Variants in GALNT13 observed in about 807,000 individuals in gnomAD.
The protein encoded by GALNT13 is polypeptide N-acetylgalactosaminyltransferase 13.
In GALNT13, 28 loss-of-function variants were observed where a neutral mutation model predicts 64.2. The observed-to-expected ratio is 0.44, with a 90% CI of 0.32 to 0.60. The LOEUF (loss-of-function observed/expected upper bound fraction) is 0.60, where lower values mean the gene tolerates loss of function less well. Among genes scored for constraint, GALNT13 ranks in the 20% least tolerant of loss-of-function variants. The pLI is 0.05. For synonymous variants in GALNT13, 214 were observed against 224.6 expected, an observed-to-expected ratio of 0.95 and a Z score of 0.42; for missense variants, 577 against 669.8, an observed-to-expected ratio of 0.86 and a Z score of 1.53.
the GALNT13 span, among the ~76,000 whole-genome samples, chr2:153,396,998 G>A: frequency 1.3e-5 from 2 of 152,002 alleles, no homozygotes; most frequent in African/African-American, 4.8e-5. Context: ...GTGAAATGAT[G>A]GCAAGCTATG....
chr2:154,358,789 G>A (rs544100283), intron 9 of GALNT13, among the ~76,000 whole-genome samples: 109 of 152,146 alleles, frequency 7.2e-4, no homozygotes, highest in Non-Finnish European at 1.2e-3. Flanking sequence ...TACTTGCCAC[G>A]TACAGTCTCT....
the GALNT13 span, among the ~76,000 whole-genome samples, chr2:153,738,509 CCA>C: frequency 6.6e-6 from 1 of 151,922 alleles, no homozygotes; most frequent in Admixed American, 6.6e-5. Flanking sequence ...TCTGTCTGTG[CCA>C]CCTCTGATTT....
intron 8 of GALNT13, among the ~76,000 whole-genome samples, chr2:154,284,654 G>A (rs920329128): frequency 6.6e-6 from 1 of 151,976 alleles, no homozygotes; most frequent in African/African-American, 2.4e-5. Context: ...AAATCCACAT[G>A]AGAATGCAGA....
At chr2:153,617,269 A>T in the GALNT13 span, among the ~76,000 whole-genome samples, 1 of 151,942 alleles carries the variant, frequency 6.6e-6, no homozygotes, top group African/African-American at 2.4e-5. Context: ...GGTTTTTATT[A>T]TGAAGGGATG....
chr2:153,111,119 G>A, the GALNT13 span, among the ~76,000 whole-genome samples: 23 of 152,084 alleles, frequency 1.5e-4, no homozygotes, highest in South Asian at 4.8e-3. Context: ...TTCAATAGGG[G>A]TTTCCAAAAG....
chr2:154,195,392 C>T (rs1016796741), intron 4 of GALNT13, among the ~76,000 whole-genome samples: 3 of 152,024 alleles, frequency 2.0e-5, no homozygotes, highest in Admixed American at 6.6e-5. Flanking sequence ...ATCTTTCCTT[C>T]GGGGCTCTTT....
At chr2:153,842,782 C>CA in the GALNT13 span, among the ~76,000 whole-genome samples, 4 of 151,702 alleles carry the variant, frequency 2.6e-5, no homozygotes, top group African/African-American at 9.7e-5. Context: ...AACAGGTAAC[C>CA]CAGATGCTGT....
intron 3 of GALNT13, among the ~76,000 whole-genome samples, chr2:154,130,567 A>C (rs1682552206): frequency 6.6e-6 from 1 of 152,176 alleles, no homozygotes; most frequent in Non-Finnish European, 1.5e-5. Flanking sequence ...TTTTACTTCC[A>C]AAAAGGACTT....
At chr2:154,148,016 C>G (rs950523039) in intron 4 of GALNT13, among the ~76,000 whole-genome samples, 3 of 151,868 alleles carry the variant, frequency 2.0e-5, no homozygotes, top group Non-Finnish European at 1.5e-5. Flanking sequence ...GTGCTGCACC[C>G]ATTAATTCGT....
chr2:153,302,509 C>T, the GALNT13 span, among the ~76,000 whole-genome samples: 14 of 151,876 alleles, frequency 9.2e-5, no homozygotes, highest in African/African-American at 1.2e-4. Flanking sequence ...TTTCACATTC[C>T]GTAAGTTGTC....
chr2:153,991,422 G>C (rs1558893782), intron 3 of GALNT13, among the ~76,000 whole-genome samples: 1 of 152,130 alleles, frequency 6.6e-6, no homozygotes, highest in Non-Finnish European at 1.5e-5. Flanking sequence ...GCGCTGGAGG[G>C]TGGAAGCAAG....
At chr2:153,725,875 A>G in the GALNT13 span, among the ~76,000 whole-genome samples, 2 of 151,368 alleles carry the variant, frequency 1.3e-5, no homozygotes, top group Non-Finnish European at 2.9e-5. Context: ...CATTCTTTAC[A>G]CTATCTTTTG....
At chr2:153,123,098 G>A in the GALNT13 span, among the ~76,000 whole-genome samples, 1 of 152,022 alleles carries the variant, frequency 6.6e-6, no homozygotes, top group Non-Finnish European at 1.5e-5. Flanking sequence ...AGAAGACACA[G>A]GGATGAATGC....
the GALNT13 span, among the ~76,000 whole-genome samples, chr2:153,118,275 A>G: frequency 6.6e-6 from 1 of 152,044 alleles, no homozygotes; most frequent in African/African-American, 2.4e-5. Flanking sequence ...TGAAATTTCA[A>G]TTGCCCTTAA....
At chr2:153,227,680 T>C in the GALNT13 span, among the ~76,000 whole-genome samples, 4 of 152,226 alleles carry the variant, frequency 2.6e-5, no homozygotes, top group Non-Finnish European at 5.9e-5. Flanking sequence ...GCATTTTAGA[T>C]GACATACTCA....
At chr2:153,952,793 A>C (rs937276857) in intron 3 of GALNT13, among the ~76,000 whole-genome samples, 2 of 152,196 alleles carry the variant, frequency 1.3e-5, no homozygotes, top group African/African-American at 4.8e-5. Flanking sequence ...GAAAGCTGAC[A>C]GTGCAGCCTT....
At chr2:153,966,447 G>T (rs1191230073) in intron 3 of GALNT13, among the ~76,000 whole-genome samples, 1 of 150,724 alleles carries the variant, frequency 6.6e-6, no homozygotes, top group Non-Finnish European at 1.5e-5. Flanking sequence ...CTCACTGCAA[G>T]CTCCGCCTGC....
At chr2:153,551,622 T>C in the GALNT13 span, among the ~76,000 whole-genome samples, 2 of 152,132 alleles carry the variant, frequency 1.3e-5, 1 homozygote, top group Non-Finnish European at 2.9e-5. Flanking sequence ...GATGTGAGAA[T>C]AGGAGAGCAA....
the GALNT13 span, among the ~76,000 whole-genome samples, chr2:153,483,704 C>G: frequency 6.6e-6 from 1 of 152,118 alleles, no homozygotes; most frequent in Non-Finnish European, 1.5e-5. Flanking sequence ...GTGTGAGCCA[C>G]CACGCCCGGC....
Sources: gnomAD v4.1 joint callset for allele counts (sites outside exome capture counted in the v4.1 genomes callset) on GRCh38, gnomAD v4.1.1 for gene constraint, MANE v1.5 for transcripts, NCBI Gene and HGNC (gene_info 2026-07-23, HGNC 2026-07-21) for gene names.